Variants in TGFBR3 observed in about 807,000 individuals in gnomAD.
TGFBR3 encodes the protein transforming growth factor beta receptor type 3.
TGFBR3 carries 46 observed loss-of-function variants against 87.9 expected under a neutral mutation model. The ratio of observed to expected loss-of-function variants is 0.52; its 90% CI spans 0.41 to 0.67. The LOEUF is 0.67. Among genes scored for constraint, TGFBR3 ranks in the 30% least tolerant of loss-of-function variants. TGFBR3 has a pLI of 0.00. For missense variants in TGFBR3, 866 were observed against 1,041.9 expected (o/e 0.83, Z 2.32); for synonymous variants, 381 against 391.6 (o/e 0.97, Z 0.32).
chr1:91,808,552 G>T lies in TGFBR3; in HGVS notation c.62-11081C>A, dbSNP rs61781098. ...GCAATCTCAACTCACTGCAAATTCC[G>T]CCTCCTGGGTTCGAGTGATTCTCCT... is the stretch of plus-strand genomic sequence containing the variant. On this transcript the variant is annotated intron_variant, in intron 2 of 16. Coordinates refer to ENST00000212355, the MANE Select transcript of TGFBR3 (RefSeq NM_003243.5). Among the ~76,000 whole-genome samples the T allele has an allele frequency of 7.2e-5, 11 of 152,186 alleles. No individual in the cohort carries two copies. In the South Asian group the frequency reaches 1.9e-3, roughly 26 times the overall value.
intron 1 of TGFBR3, among the ~76,000 whole-genome samples, chr1:91,864,834 C>T (rs937576670): frequency 8.5e-5 from 13 of 152,218 alleles, no homozygotes; most frequent in African/African-American, 3.1e-4. Flanking sequence ...TGACTGCAAA[C>T]ATCAGGGACT....
chr1:91,711,636 G>T (rs956138687), intron 13 of TGFBR3, among the ~76,000 whole-genome samples: 2 of 152,080 alleles, frequency 1.3e-5, no homozygotes, highest in Non-Finnish European at 2.9e-5. Flanking sequence ...CAACCTAGTG[G>T]GTATCATAGT....
chr1:91,745,258 T>C (rs1204176574), intron 4 of TGFBR3, among the ~76,000 whole-genome samples: 1 of 152,192 alleles, frequency 6.6e-6, no homozygotes, highest in Non-Finnish European at 1.5e-5. Flanking sequence ...TCCTCTTCCC[T>C]TTTCCTGACT....
chr1:91,775,539 C>T (rs1489810687), intron 3 of TGFBR3, among the ~76,000 whole-genome samples: 1 of 152,242 alleles, frequency 6.6e-6, no homozygotes, highest in Non-Finnish European at 1.5e-5. Context: ...TAACAACCAA[C>T]TCTTCCTGTC....
chr1:91,776,944 T>C (rs1674586897), intron 3 of TGFBR3, among the ~76,000 whole-genome samples: 1 of 152,212 alleles, frequency 6.6e-6, no homozygotes, highest in Admixed American at 6.5e-5. Context: ...TGGAGACTTC[T>C]GAATCTAACA....
chr1:91,893,714 T>C (rs1679492779), intron 2 of TGFBR3, among the ~76,000 whole-genome samples: 1 of 152,066 alleles, frequency 6.6e-6, no homozygotes, highest in South Asian at 2.1e-4. Context: ...CAAGGATAAT[T>C]AAGAACCAAA....
chr1:91,758,475 T>G (rs975768795), intron 4 of TGFBR3, 138 bp downstream of exon 4: 20 of 1,029,720 alleles, frequency 1.9e-5, no homozygotes, highest in Non-Finnish European at 3.0e-5. Flanking sequence ...TATCACTAAG[T>G]GCATCCTCCA....
chr1:91,708,451 C>A (rs1159897836), intron 14 of TGFBR3, among the ~76,000 whole-genome samples: 1 of 152,142 alleles, frequency 6.6e-6, no homozygotes, highest in Non-Finnish European at 1.5e-5. Flanking sequence ...CAGAGGAAAT[C>A]ATTTTCAAAT....
At position 91,780,881 on chromosome 1, in the gene TGFBR3, A is replaced by T. The variant is rs988878707; in HGVS notation, c.246+16406T>A. 1.4e-3 allele frequency among the ~76,000 whole-genome samples: 179 copies of T among 130,884 alleles called. 1 individual carries two copies. The highest frequency in any genetic ancestry group is 5.1e-3 in the African/African-American group (171 of 33,266). 85.9% of individuals were successfully genotyped at this position (130,884 alleles called of 152,430 possible). On this transcript the variant is annotated intron_variant, in intron 3 of 16. Coordinates refer to ENST00000212355, the MANE Select transcript of TGFBR3 (RefSeq NM_003243.5). The stretch of plus-strand genomic sequence containing the variant: ...CCTTCCTAAGGCTTTTAAACTAGAG[A>T]ACTACACACACACACACACACACAC...
chr1:91,791,346 A>G (rs947252791), intron 3 of TGFBR3, among the ~76,000 whole-genome samples: 1 of 152,196 alleles, frequency 6.6e-6, no homozygotes, highest in African/African-American at 2.4e-5. Context: ...CATGGGGATT[A>G]GCAGCCACAT....
At chr1:91,903,769 T>A (rs372892621) in intron 1 of TGFBR3, among the ~76,000 whole-genome samples, 1 of 152,148 alleles carries the variant, frequency 6.6e-6, no homozygotes, top group Non-Finnish European at 1.5e-5. Context: ...ATAAGCTACA[T>A]ATGTATTCAA....
chr1:91,705,534 T>C (rs1445257748), intron 14 of TGFBR3, among the ~76,000 whole-genome samples: 3 of 148,584 alleles, frequency 2.0e-5, no homozygotes, highest in African/African-American at 7.3e-5. Context: ...CAGCCCACAG[T>C]CTCTTTTCAA....
In TGFBR3 at chr1:91,801,530, T is replaced by C. The variant is rs529192228; in HGVS notation, c.62-4059A>G. On this transcript the variant is annotated intron_variant, in intron 2 of 16. Coordinates refer to ENST00000212355, the MANE Select transcript of TGFBR3 (RefSeq NM_003243.5). ...TGAAAATAAAAAAGTGGTCATAGAT[T>C]TAGGGGTGAGATCTACCGTTTTGTA... 1.7e-4 allele frequency among the ~76,000 whole-genome samples: 26 copies of C among 152,030 alleles called. No individual in the cohort carries two copies. The East Asian group carries it at 5.0e-3, about 29-fold the overall frequency.
At chr1:91,739,882 A>G (rs1414554111) in intron 4 of TGFBR3, among the ~76,000 whole-genome samples, 1 of 152,138 alleles carries the variant, frequency 6.6e-6, no homozygotes, top group African/African-American at 2.4e-5. Context: ...ATATGGCAGG[A>G]GCAGGAGGAA....
At chr1:91,809,115 A>G (rs1225242732) in intron 2 of TGFBR3, among the ~76,000 whole-genome samples, 2 of 152,216 alleles carry the variant, frequency 1.3e-5, no homozygotes, top group Non-Finnish European at 2.9e-5. Context: ...TACTAATGCA[A>G]TATCTGATGG....
At chr1:91,735,489 T>C (rs974407725) in intron 4 of TGFBR3, among the ~76,000 whole-genome samples, 1 of 152,234 alleles carries the variant, frequency 6.6e-6, no homozygotes, top group Non-Finnish European at 1.5e-5. Context: ...AGCACTGAGA[T>C]AAAAATGGCC....
chr1:91,835,325 C>T (rs1677017899), intron 2 of TGFBR3, among the ~76,000 whole-genome samples: 2 of 152,096 alleles, frequency 1.3e-5, no homozygotes, highest in Non-Finnish European at 2.9e-5. Context: ...ATTTGTTAGA[C>T]AAAAATTCTA....
chr1:91,806,480 G>GA (rs1032694853), intron 2 of TGFBR3, among the ~76,000 whole-genome samples: 5 of 152,036 alleles, frequency 3.3e-5, no homozygotes, highest in Non-Finnish European at 7.4e-5. Context: ...ACTGGCGGGG[G>GA]GGGTAATGTT....
intron 4 of TGFBR3, among the ~76,000 whole-genome samples, chr1:91,756,559 A>G (rs1673753919): frequency 6.6e-6 from 1 of 152,234 alleles, no homozygotes; most frequent in Non-Finnish European, 1.5e-5. Flanking sequence ...GTATTAGAGC[A>G]TTTAGTGACC....
Sources: gnomAD v4.1 joint callset for allele counts (sites outside exome capture counted in the v4.1 genomes callset) on GRCh38, gnomAD v4.1.1 for gene constraint, MANE v1.5 for transcripts, NCBI Gene and HGNC (gene_info 2026-07-23, HGNC 2026-07-21) for gene names.